The following COP1 variants were observed in gnomAD, a reference collection of about 807,000 sequenced individuals.
COP1 encodes E3 ubiquitin-protein ligase COP1.
COP1 carries 24 observed loss-of-function variants against 101.3 expected under a neutral mutation model. The observed-to-expected ratio is 0.24, with a 90% CI of 0.17 to 0.33. The LOEUF (loss-of-function observed/expected upper bound fraction) is 0.33. COP1 is among the 10% of genes least tolerant of loss of function. COP1 has a pLI of 1.00. For synonymous variants in COP1, 347 were observed against 341.9 expected (o/e 1.01, Z -0.17); for missense variants, 663 against 906.2 (o/e 0.73, Z 3.45).
chr1:176,149,295 T>C (rs1420262904), intron 5 of COP1, among the ~76,000 whole-genome samples: 3 of 152,106 alleles, frequency 2.0e-5, no homozygotes, highest in African/African-American at 7.2e-5. Context: ...GTGTTCTAAA[T>C]TACATCCCTT....
intron 18 of COP1, among the ~76,000 whole-genome samples, chr1:175,974,553 A>C (rs1485329647): frequency 6.6e-6 from 1 of 152,238 alleles, no homozygotes; most frequent in Admixed American, 6.5e-5. Context: ...ATGAAATAAA[A>C]TAACAATGAT....
intron 15 of COP1, 138 bp from the exon 16 acceptor site, chr1:175,989,617 GGA>G: frequency 1.8e-6 from 1 of 562,224 alleles, no homozygotes; most frequent in Non-Finnish European, 3.2e-6. Flanking sequence ...CAAAGGAAAA[GGA>G]ATCCTTTTCA....
At chr1:175,991,697 A>C (rs1261865189) in intron 15 of COP1, among the ~76,000 whole-genome samples, 1 of 152,232 alleles carries the variant, frequency 6.6e-6, no homozygotes, top group Non-Finnish European at 1.5e-5. Flanking sequence ...ACATTTCCTT[A>C]TAAGTTAAAA....
At chr1:176,152,654 G>C (rs1418097870) in intron 5 of COP1, among the ~76,000 whole-genome samples, 1 of 152,018 alleles carries the variant, frequency 6.6e-6, no homozygotes, top group Non-Finnish European at 1.5e-5. Flanking sequence ...CACCATGTTG[G>C]CCAGGCTGGT....
At chr1:176,004,136 G>C (rs1165336538) in intron 15 of COP1, among the ~76,000 whole-genome samples, 1 of 151,400 alleles carries the variant, frequency 6.6e-6, no homozygotes, top group Admixed American at 6.6e-5. Flanking sequence ...GTTCACTCAT[G>C]ATTCGGCTCT....
chr1:176,058,288 C>T (rs1301491064), intron 11 of COP1, among the ~76,000 whole-genome samples: 4 of 152,036 alleles, frequency 2.6e-5, no homozygotes, highest in East Asian at 3.9e-4. Context: ...TCATTGAGAA[C>T]GGGCCATGAT....
At chr1:176,000,452 A>G (rs1661326265) in intron 15 of COP1, among the ~76,000 whole-genome samples, 1 of 152,066 alleles carries the variant, frequency 6.6e-6, no homozygotes, top group Non-Finnish European at 1.5e-5. Flanking sequence ...AGAATTGTTT[A>G]CACTAGTATC....
intron 8 of COP1, among the ~76,000 whole-genome samples, chr1:176,133,185 T>C (rs1194644828): frequency 7.6e-6 from 1 of 130,734 alleles, no homozygotes; most frequent in East Asian, 2.4e-4. Context: ...CATACGTATA[T>C]ACGTACGTAT....
chr1:176,027,472 T>G, intron 15 of COP1, 100 bp downstream of exon 15: 1 of 760,764 alleles, frequency 1.3e-6, no homozygotes, highest in Non-Finnish European at 2.3e-6. Context: ...AAAACAACAT[T>G]TAAACCTACA....
chr1:176,053,465 C>T lies in COP1; in HGVS notation c.1278-7141G>A, dbSNP rs559020309. Among the ~76,000 whole-genome samples, 28 of 152,192 alleles carry T rather than the reference C, an allele frequency of 1.8e-4. No homozygotes were observed. The South Asian group carries it at 5.8e-3, about 32-fold the overall frequency. On this transcript the variant is annotated intron_variant, in intron 11 of 19. Transcript: ENST00000367669. ...CACTGTCATTTTCTTAAAAATTATT[C>T]CTTGCCTAATTGTTAATTATTTTAA...
At chr1:176,125,787 T>A (rs1253002245) in intron 8 of COP1, among the ~76,000 whole-genome samples, 1 of 152,196 alleles carries the variant, frequency 6.6e-6, no homozygotes, top group Non-Finnish European at 1.5e-5. Flanking sequence ...TTGATAGTGA[T>A]TGCAATGTAT....
At chr1:175,959,880 G>A (rs879146454) in intron 18 of COP1, among the ~76,000 whole-genome samples, 2 of 152,042 alleles carry the variant, frequency 1.3e-5, no homozygotes, top group Admixed American at 1.3e-4. Context: ...CATCTTCAGG[G>A]CTTTCTCAAA....
chr1:175,973,607 TG>T (rs550382137), intron 18 of COP1, among the ~76,000 whole-genome samples: 89 of 152,318 alleles, frequency 5.8e-4, no homozygotes, highest in South Asian at 4.6e-3. Context: ...AAAAATATAA[TG>T]GTTGCCTTGT....
At chr1:176,102,163 G>A (rs1378736593) in intron 9 of COP1, among the ~76,000 whole-genome samples, 1 of 152,112 alleles carries the variant, frequency 6.6e-6, no homozygotes, top group African/African-American at 2.4e-5. Flanking sequence ...GGAGGAGCCT[G>A]GTCTCTCTTG....
intron 15 of COP1, among the ~76,000 whole-genome samples, chr1:176,014,506 T>C (rs1214378082): frequency 5.9e-5 from 9 of 152,218 alleles, no homozygotes; most frequent in Non-Finnish European, 1.3e-4. Flanking sequence ...CATTCTGTAA[T>C]TACGATTTCT....
chr1:176,117,820 G>T (rs1258326532), intron 8 of COP1, among the ~76,000 whole-genome samples: 3 of 152,082 alleles, frequency 2.0e-5, no homozygotes, highest in Admixed American at 2.0e-4. Flanking sequence ...ACTTGAACTT[G>T]TGAGACGGAG....
chr1:176,085,159 T>C (rs1404207943), intron 10 of COP1, among the ~76,000 whole-genome samples: 1 of 152,192 alleles, frequency 6.6e-6, no homozygotes, highest in Non-Finnish European at 1.5e-5. Flanking sequence ...TCTAAGTATC[T>C]TTTTCAGTTA....
chr1:176,112,969 T>G (rs571806954), intron 9 of COP1, among the ~76,000 whole-genome samples: 1 of 152,368 alleles, frequency 6.6e-6, no homozygotes, highest in East Asian at 1.9e-4. Flanking sequence ...CATCTGCTGA[T>G]GGACACTTAG....
intron 11 of COP1, among the ~76,000 whole-genome samples, chr1:176,065,707 T>C (rs2481656): frequency 7.6e-6 from 1 of 130,976 alleles, no homozygotes; most frequent in African/African-American, 2.9e-5. Context: ...GATAATGATT[T>C]TTTTTTTTTT....
Sources: gnomAD v4.1 joint callset for allele counts (sites outside exome capture counted in the v4.1 genomes callset) on GRCh38, gnomAD v4.1.1 for gene constraint, MANE v1.5 for transcripts, NCBI Gene and HGNC (gene_info 2026-07-23, HGNC 2026-07-21) for gene names.